The following KCNU1 variants were observed in gnomAD, a reference collection of about 807,000 sequenced individuals.
KCNU1 encodes potassium channel subfamily U member 1.
A neutral mutation model predicts 126.8 loss-of-function variants in KCNU1; 93 were observed. The observed-to-expected ratio is 0.73, with a 90% CI of 0.62 to 0.87. KCNU1 has a LOEUF of 0.87. Ranked by LOEUF, KCNU1 falls within the 40% of genes least tolerant of loss-of-function variation. The pLI is 0.00. For missense variants in KCNU1, 1,330 were observed against 1,367.1 expected (o/e 0.97, Z 0.43); for synonymous variants, 523 against 494.2 (o/e 1.06, Z -0.77).
chr8:36,883,449 A>T (rs1806568589), intron 19 of KCNU1, among the ~76,000 whole-genome samples: 1 of 152,212 alleles, frequency 6.6e-6, no homozygotes, highest in Admixed American at 6.5e-5. Flanking sequence ...ACCTCAGGGT[A>T]ACTAATTTCT....
chr8:36,859,242 G>GAATT (rs1363207925), intron 18 of KCNU1, among the ~76,000 whole-genome samples: 1 of 152,170 alleles, frequency 6.6e-6, no homozygotes. Flanking sequence ...TTCTCTTAGA[G>GAATT]AATTAACTTT....
rs556063906 is a variant in KCNU1 at position 36,880,696 on chromosome 8, G to A, written c.2009+16175G>A. 4.6e-5 allele frequency among the ~76,000 whole-genome samples: 7 copies of A among 152,242 alleles called. No homozygotes were observed. In the South Asian group the frequency reaches 8.3e-4, roughly 18 times the overall value. On this transcript the variant is annotated intron_variant, in intron 19 of 26. Transcript: ENST00000399881. ...CCTGTTTGGGTTTCAAGCAAGAGAT[G>A]AGGTGGCTGTATCTGGCACCAGCAG...
chr8:36,869,526 C>G (rs1806027748), intron 19 of KCNU1, among the ~76,000 whole-genome samples: 1 of 152,030 alleles, frequency 6.6e-6, no homozygotes, highest in African/African-American at 2.4e-5. Flanking sequence ...TTTTTTCTCT[C>G]TTTGCCAATG....
chr8:36,814,483 A>G lies in KCNU1; in HGVS notation c.903+106A>G, dbSNP rs58652932. ...TAGGTTTAAGAGTGAATGTTGCATTACTTGGGGCACATGTCAAGGGCAAAT... is the reference window on the plus strand; with the variant it reads ...TAGGTTTAAGAGTGAATGTTGCATTGCTTGGGGCACATGTCAAGGGCAAAT... On this transcript the variant is annotated intron_variant, in intron 8 of 26. Transcript: ENST00000399881. The G allele has an allele frequency of 5.8e-3, 4,681 of 800,396 alleles. 167 individuals carry two copies. The African/African-American group carries it at 0.073, about 12-fold the overall frequency. The allele number at this position is 800,396 out of a possible 1,614,324, so 49.6% of individuals were successfully genotyped here.
intron 10 of KCNU1, 81 bp downstream of exon 10, chr8:36,817,841 T>A: frequency 1.5e-6 from 1 of 678,874 alleles, no homozygotes; most frequent in Non-Finnish European, 2.6e-6. Flanking sequence ...GAAAATTACC[T>A]TCACAATATT....
At chr8:36,840,798 A>G in intron 15 of KCNU1, 134 bp from the exon 16 acceptor site, 1 of 724,136 alleles carries the variant, frequency 1.4e-6, no homozygotes. Flanking sequence ...ATTCACTTAC[A>G]AGGGATCATT....
intron 19 of KCNU1, among the ~76,000 whole-genome samples, chr8:36,903,355 C>T (rs1418685161): frequency 6.6e-6 from 1 of 152,102 alleles, no homozygotes; most frequent in Admixed American, 6.6e-5. Context: ...CCTAACCCTG[C>T]AGCATGAAGG....
At chr8:36,840,237 T>C (rs536881987) in intron 14 of KCNU1, among the ~76,000 whole-genome samples, 2 of 152,342 alleles carry the variant, frequency 1.3e-5, no homozygotes, top group East Asian at 3.9e-4. Flanking sequence ...AGAAAATAAG[T>C]AATGATGTGT....
At chr8:36,803,439 C>T (rs2211730) in intron 2 of KCNU1, among the ~76,000 whole-genome samples, 37,091 of 151,840 alleles carry the variant, frequency 0.24, 5,449 homozygotes, top group African/African-American at 0.4. Context: ...GGACAGTTTC[C>T]AATTGCATTC....
intron 16 of KCNU1, 106 bp downstream of exon 16, chr8:36,841,109 G>T: frequency 1.3e-6 from 1 of 754,392 alleles, no homozygotes. Context: ...CTATAACTAA[G>T]CTTTTTCCCT....
Position 36,918,310 on chromosome 8 carries a change from G to A in KCNU1, c.2522-513G>A, listed in dbSNP as rs565792288. Among the ~76,000 whole-genome samples, 12 of 152,180 alleles carry A rather than the reference G, an allele frequency of 7.9e-5. No homozygotes were observed. The South Asian group carries it at 2.5e-3, about 32-fold the overall frequency. ...TAATCCCAGCACTTCAGGAAGCAAA[G>A]AAAGGAGGATTACTTGAGGCTGGGA... On this transcript the variant is annotated intron_variant, in intron 22 of 26. Transcript: ENST00000399881.
In KCNU1 at chr8:36,804,034, T is replaced by C. The variant is rs1423238065; in HGVS notation, c.323T>C (p.Leu108Pro). 6 of 1,555,840 alleles carry C rather than the reference T, an allele frequency of 3.9e-6. No homozygotes were observed. The highest frequency in any genetic ancestry group is 5.2e-6 in the Non-Finnish European group (6 of 1,146,232). The change falls in exon 3 of 27, where the codon CTT (leucine) becomes CCT (proline). Residue 108 changes from leucine (L) to proline (P), a missense_variant. Leu to Pro is a moderately conservative substitution (Grantham distance 98). Transcript: ENST00000399881. ...CCTGTTTTTCATTTTCAGGTGATCCTTGTCTTTGTACTAAGCATTGGGTCT... is the reference window on the plus strand; with the variant it reads ...CCTGTTTTTCATTTTCAGGTGATCCCTGTCTTTGTACTAAGCATTGGGTCT... ...QTFVGQVLVI[L>P]VFVLSIGSLI... is the part of the protein sequence containing the mutation.
At chr8:36,908,577 C>T (rs1016928837) in intron 20 of KCNU1, among the ~76,000 whole-genome samples, 3 of 140,950 alleles carry the variant, frequency 2.1e-5, no homozygotes, top group Non-Finnish European at 3.0e-5. Flanking sequence ...AGAAAACTAT[C>T]GCAAGGACAG....
chr8:36,865,610 TAAA>T (rs36114647), intron 19 of KCNU1, among the ~76,000 whole-genome samples: 140 of 138,220 alleles, frequency 1.0e-3, no homozygotes, highest in Admixed American at 1.7e-3. Context: ...CTGCAAAAAT[TAAA>T]AAAAAAAAAA....
chr8:36,896,131 A>T (rs1807180070), intron 19 of KCNU1, among the ~76,000 whole-genome samples: 1 of 151,964 alleles, frequency 6.6e-6, no homozygotes, highest in South Asian at 2.1e-4. Flanking sequence ...TAGTAGACCT[A>T]TAATTTAAGA....
At chr8:36,861,007 A>G (rs1375174972) in intron 18 of KCNU1, among the ~76,000 whole-genome samples, 1 of 151,940 alleles carries the variant, frequency 6.6e-6, no homozygotes, top group Non-Finnish European at 1.5e-5. Context: ...AACTCTAAAC[A>G]CATAAGGTAG....
At chr8:36,811,729 C>G (rs551993097) in intron 7 of KCNU1, among the ~76,000 whole-genome samples, 1 of 151,588 alleles carries the variant, frequency 6.6e-6, no homozygotes, top group African/African-American at 2.4e-5. Context: ...GTCAGGGGTT[C>G]GAGACCAGCC....
intron 14 of KCNU1, among the ~76,000 whole-genome samples, chr8:36,839,395 A>G (rs2130570600): frequency 6.6e-6 from 1 of 152,256 alleles, no homozygotes; most frequent in Admixed American, 6.5e-5. Flanking sequence ...AAACATTTAG[A>G]TTAGAAGCAC....
intron 5 of KCNU1, among the ~76,000 whole-genome samples, 180 bp from the exon 6 acceptor site, chr8:36,807,195 A>C (rs1079679): frequency 0.17 from 25,799 of 152,198 alleles, 2,346 homozygotes; most frequent in Admixed American, 0.29. Context: ...CTTAGGTTAC[A>C]ACAGCGTCAG....
Sources: gnomAD v4.1 joint callset for allele counts (sites outside exome capture counted in the v4.1 genomes callset) on GRCh38, gnomAD v4.1.1 for gene constraint, MANE v1.5 for transcripts, NCBI Gene and HGNC (gene_info 2026-07-23, HGNC 2026-07-21) for gene names.